Variants in NRG3 observed in about 807,000 individuals in gnomAD.
NRG3 encodes neuregulin 3.
Under a neutral mutation model 66.9 loss-of-function variants are expected in NRG3, and 31 were observed. That is an observed-to-expected ratio of 0.46 (90% CI 0.35 to 0.63). The LOEUF (loss-of-function observed/expected upper bound fraction) is 0.63. Among genes scored for constraint, NRG3 ranks in the 20% least tolerant of loss-of-function variants. The pLI, the probability that NRG3 is intolerant of heterozygous loss-of-function variation, is 0.00. For synonymous variants in NRG3, 393 were observed against 359.4 expected, an observed-to-expected ratio of 1.09 and a Z score of -1.06; for missense variants, 910 against 878.9, an observed-to-expected ratio of 1.04 and a Z score of -0.45.
At chr10:82,859,539 C>T (rs964067522) in intron 3 of NRG3, among the ~76,000 whole-genome samples, 1 of 152,136 alleles carries the variant, frequency 6.6e-6, no homozygotes, top group Non-Finnish European at 1.5e-5. Flanking sequence ...CTGCCCACCT[C>T]GGGGGAATGT....
chr10:82,256,928 G>C (rs2077758390), intron 1 of NRG3, among the ~76,000 whole-genome samples: 1 of 152,160 alleles, frequency 6.6e-6, no homozygotes, highest in South Asian at 2.1e-4. Context: ...TCCTGCAAAT[G>C]ATGGCCAGAT....
intron 2 of NRG3, among the ~76,000 whole-genome samples, chr10:82,720,297 G>A (rs1208408735): frequency 6.6e-6 from 1 of 152,082 alleles, no homozygotes; most frequent in East Asian, 1.9e-4. Context: ...GGCTGAGGCA[G>A]GAGAATCCCT....
At chr10:82,869,855 G>A (rs539695217) in intron 4 of NRG3, among the ~76,000 whole-genome samples, 27 of 151,802 alleles carry the variant, frequency 1.8e-4, no homozygotes, top group East Asian at 1.2e-3. Context: ...TGATCTGCCC[G>A]CCTCGGCCTC....
At chr10:82,533,773 TC>T (rs1385451016) in intron 2 of NRG3, among the ~76,000 whole-genome samples, 3 of 152,074 alleles carry the variant, frequency 2.0e-5, no homozygotes, top group Non-Finnish European at 4.4e-5. Flanking sequence ...ATGAAAGGCA[TC>T]CAAACAGGAA....
At chr10:82,440,738 A>G (rs2090394937) in intron 2 of NRG3, among the ~76,000 whole-genome samples, 2 of 152,104 alleles carry the variant, frequency 1.3e-5, no homozygotes, top group Non-Finnish European at 2.9e-5. Context: ...CAATTCTTTT[A>G]TCTGGATTCA....
intron 2 of NRG3, among the ~76,000 whole-genome samples, chr10:82,589,742 C>T (rs574649419): frequency 6.6e-6 from 1 of 152,306 alleles, no homozygotes; most frequent in Admixed American, 6.5e-5. Context: ...ATCTTCTGCA[C>T]TCACACTACC....
chr10:82,060,406 T>C (rs766857376), intron 1 of NRG3, among the ~76,000 whole-genome samples: 51 of 152,340 alleles, frequency 3.3e-4, no homozygotes, highest in Admixed American at 5.2e-4. Context: ...TGCTGTCTTC[T>C]ACCATGAATC....
intron 1 of NRG3, among the ~76,000 whole-genome samples, chr10:82,160,781 A>G (rs925593363): frequency 6.6e-6 from 1 of 152,022 alleles, no homozygotes; most frequent in Non-Finnish European, 1.5e-5. Flanking sequence ...TTGCTCAGTA[A>G]ATGTGGTAGT....
chr10:82,985,653 GA>G lies in NRG3; in HGVS notation c.*49del. 1 of 1,551,260 alleles carries G rather than the reference GA, an allele frequency of 6.4e-7. No individual in the cohort carries two copies. The highest frequency in any genetic ancestry group is 8.6e-7 in the Non-Finnish European group (1 of 1,156,480). On this transcript the variant is annotated 3_prime_UTR_variant, in exon 9 of 9. Transcript: ENST00000372141. ...ATTCTATGCTTTGCTCAACAGGAAA[GA>G]GAGGAAATCAAATACAAATTATTTA...
intron 2 of NRG3, among the ~76,000 whole-genome samples, chr10:82,587,331 G>A (rs1477499772): frequency 1.3e-5 from 2 of 151,360 alleles, no homozygotes; most frequent in African/African-American, 2.4e-5. Flanking sequence ...TAAACATGAT[G>A]TGTTAGTACT....
chr10:82,419,036 T>C (rs1448917123), intron 2 of NRG3, among the ~76,000 whole-genome samples: 1 of 152,160 alleles, frequency 6.6e-6, no homozygotes, highest in Non-Finnish European at 1.5e-5. Context: ...ATATGATTAG[T>C]GAAACACATT....
At chr10:82,752,023 A>C (rs2058886772) in intron 3 of NRG3, among the ~76,000 whole-genome samples, 1 of 152,082 alleles carries the variant, frequency 6.6e-6, no homozygotes, top group African/African-American at 2.4e-5. Flanking sequence ...CACTCAGGTA[A>C]TTTTGATTGA....
intron 1 of NRG3, among the ~76,000 whole-genome samples, chr10:82,125,022 A>G (rs2068343426): frequency 6.6e-6 from 1 of 151,982 alleles, no homozygotes; most frequent in African/African-American, 2.4e-5. Flanking sequence ...TATATTCTCA[A>G]TATTCATTAC....
intron 2 of NRG3, among the ~76,000 whole-genome samples, chr10:82,429,715 TTC>T (rs1402865340): frequency 1.3e-5 from 2 of 152,142 alleles, no homozygotes; most frequent in Non-Finnish European, 2.9e-5. Flanking sequence ...TTCCGCTATA[TTC>T]TCTGTTTTCT....
In NRG3 at chr10:81,980,803, G is replaced by A. The variant is rs375380639; in HGVS notation, c.823+104640G>A. ...GTTTCTTCTGAGGACCTCTGGCTTG[G>A]CCTGCAGATGGCCACCTTCTTGCTG... On this transcript the variant is annotated intron_variant, in intron 1 of 8. Transcript: ENST00000372141. Among the ~76,000 whole-genome samples, 27 of 152,308 alleles carry A rather than the reference G, an allele frequency of 1.8e-4. 2 individuals are homozygous for A. The highest frequency in any genetic ancestry group is 6.3e-4 in the African/African-American group (26 of 41,570).
chr10:82,771,418 A>G (rs1264506485), intron 3 of NRG3, among the ~76,000 whole-genome samples: 2 of 152,146 alleles, frequency 1.3e-5, no homozygotes, highest in Non-Finnish European at 2.9e-5. Flanking sequence ...TAGGTACTAT[A>G]GTTGCTGACA....
chr10:82,349,851 C>G, intron 1 of NRG3, among the ~76,000 whole-genome samples: 1 of 152,214 alleles, frequency 6.6e-6, no homozygotes, highest in East Asian at 1.9e-4. Flanking sequence ...TCACCCCTTT[C>G]TTTGACTCAG....
intron 4 of NRG3, among the ~76,000 whole-genome samples, chr10:82,935,150 C>T (rs570471966): frequency 6.6e-6 from 1 of 152,244 alleles, no homozygotes; most frequent in African/African-American, 2.4e-5. Context: ...CTGACTTGCA[C>T]TTTTTGTATA....
At chr10:82,790,157 T>G (rs1021154780) in intron 3 of NRG3, among the ~76,000 whole-genome samples, 1 of 152,222 alleles carries the variant, frequency 6.6e-6, no homozygotes, top group Middle Eastern at 3.4e-3. Context: ...GTCTCTAATA[T>G]TTATTTATGT....
Sources: gnomAD v4.1 joint callset for allele counts (sites outside exome capture counted in the v4.1 genomes callset) on GRCh38, gnomAD v4.1.1 for gene constraint, MANE v1.5 for transcripts, NCBI Gene and HGNC (gene_info 2026-07-23, HGNC 2026-07-21) for gene names.